The following USP7 variants were observed in gnomAD, a reference collection of about 807,000 sequenced individuals.
The protein encoded by USP7 is ubiquitin C-terminal hydrolase 7.
In USP7, 9 loss-of-function variants were observed where a neutral mutation model predicts 162.9. The observed-to-expected ratio is 0.06, with a 90% CI of 0.03 to 0.10. USP7 has a LOEUF of 0.10. Ranked by LOEUF, USP7 falls within the 10% of genes least tolerant of loss-of-function variation. The probability of loss-of-function intolerance (pLI) is 1.00; values close to 1 mark genes in which losing one functional copy is unlikely to be tolerated. For synonymous variants in USP7, 562 were observed against 475.9 expected, an observed-to-expected ratio of 1.18 and a Z score of -2.35; for missense variants, 715 against 1,373.7, an observed-to-expected ratio of 0.52 and a Z score of 7.58.
At chr16:8,916,690 T>C (rs753792513) in intron 7 of USP7, 134 bp from the exon 8 acceptor site, 4 of 936,936 alleles carry the variant, frequency 4.3e-6, no homozygotes, top group Non-Finnish European at 6.4e-6. Context: ...AAGATTATTT[T>C]TGGGAGTCAT....
chr16:8,940,054 T>C (rs573549095), intron 1 of USP7, among the ~76,000 whole-genome samples: 3 of 152,030 alleles, frequency 2.0e-5, no homozygotes, highest in Admixed American at 6.6e-5. Flanking sequence ...GCTGAGATCA[T>C]GCCACTGAAC....
intron 2 of USP7, among the ~76,000 whole-genome samples, chr16:8,928,875 G>C (rs1197540115): frequency 2.0e-5 from 3 of 152,058 alleles, no homozygotes; most frequent in African/African-American, 7.2e-5. Context: ...TTCTCCCCAG[G>C]AGACACCTGG....
intron 8 of USP7, among the ~76,000 whole-genome samples, chr16:8,916,000 T>TG (rs1555465032): frequency 9.2e-5 from 14 of 152,136 alleles, no homozygotes; most frequent in African/African-American, 3.4e-4. Context: ...CCATTTCATG[T>TG]TGTGTGTGTG....
At chr16:8,922,757 T>G (rs1207190050) in intron 3 of USP7, among the ~76,000 whole-genome samples, 1 of 152,256 alleles carries the variant, frequency 6.6e-6, no homozygotes, top group Non-Finnish European at 1.5e-5. Flanking sequence ...TTTGGACATT[T>G]CATAATATAC....
rs1396291562 is a variant in USP7, at chr16:8,921,298, G to A, written c.384-3C>T. On this transcript the variant is annotated splice_polypyrimidine_tract_variant and splice_region_variant and intron_variant, in intron 3 of 30. Transcript: ENST00000344836. ...CTTGTGCATGGCAAGACCATGACCT[G>A]TTTAAAAGAATAATCTGAGCCTTAG... 6.2e-7 allele frequency: 1 copy of A among 1,611,864 alleles called. No homozygotes were observed. Among genetic ancestry groups the A allele is most frequent in the South Asian group, 1.1e-5 (1 of 90,548 alleles).
rs397944053 is a variant in USP7, at chr16:8,938,710, CA to C, written c.80-8314del. Among the ~76,000 whole-genome samples the C allele has an allele frequency of 1.5e-3, 225 of 145,966 alleles. 1 individual carries two copies. In the East Asian group the frequency reaches 0.024, roughly 16 times the overall value. The stretch of plus-strand genomic sequence containing the variant: ...TGGGTAACACAGCAAGACTCCGTCT[CA>C]AAAAAAAAAAAATTGGGGGGACGGG... On this transcript the variant is annotated intron_variant, in intron 1 of 30. Coordinates refer to ENST00000344836, the MANE Select transcript of USP7 (RefSeq NM_003470.3).
chr16:8,921,058 C>T, intron 4 of USP7, 99 bp downstream of exon 4: 1 of 1,321,248 alleles, frequency 7.6e-7, no homozygotes, highest in Non-Finnish European at 1.0e-6. Context: ...AAGTAAAAAT[C>T]TGACTCTAAA....
intron 1 of USP7, among the ~76,000 whole-genome samples, chr16:8,942,005 A>C (rs1345384284): frequency 1.3e-5 from 2 of 152,226 alleles, no homozygotes; most frequent in Non-Finnish European, 2.9e-5. Context: ...TGGCAAGCAC[A>C]GAGTGGCAAA....
intron 2 of USP7, among the ~76,000 whole-genome samples, chr16:8,924,657 C>T (rs982672387): frequency 2.0e-5 from 3 of 152,242 alleles, no homozygotes; most frequent in African/African-American, 4.8e-5. Context: ...CTCCAAAGTT[C>T]ACTAACAACT....
In USP7 at chr16:8,906,484, C is replaced by G. The variant is rs2061862310; in HGVS notation, c.1370G>C (p.Ser457Thr). ...NYILHAVLVH[S>T]GDNHGGHYVV... The stretch of plus-strand genomic sequence containing the variant: ...ATAATGTCCACCATGATTATCTCCA[C>G]TATGAACCAGGACTGCATGAAGAAT... Residue 457 changes from serine to threonine, a missense_variant, in exon 13 of 31, where the codon AGT becomes ACT. Coordinates refer to ENST00000344836, the MANE Select transcript of USP7 (RefSeq NM_003470.3). 6.2e-7 allele frequency: 1 copy of G among 1,612,746 alleles called. No homozygotes were observed. Among genetic ancestry groups the G allele is most frequent in the Non-Finnish European group, 8.5e-7 (1 of 1,180,012 alleles).
At chr16:8,905,436 C>G in intron 13 of USP7, 105 bp from the exon 14 acceptor site, 1 of 1,408,470 alleles carries the variant, frequency 7.1e-7, no homozygotes, top group African/African-American at 1.4e-5. Context: ...AGGTATGCCC[C>G]TAGTTGAAAA....
At chr16:8,915,210 G>A (rs757960520) in intron 10 of USP7, 44 bp downstream of exon 10, 17 of 1,503,158 alleles carry the variant, frequency 1.1e-5, no homozygotes, top group Non-Finnish European at 1.5e-5. Flanking sequence ...AAACACAGTA[G>A]AAATCATCAA....
chr16:8,894,963 C>A lies in USP7; in HGVS notation c.3039+68G>T, dbSNP rs940787967. Reference sequence around the variant, plus strand: ...CCTAACCCCAGCAGGAGCGCAGATTCGGCAACAGCGGCCACTCAAAGGCTC... The same window carrying A: ...CCTAACCCCAGCAGGAGCGCAGATTAGGCAACAGCGGCCACTCAAAGGCTC... On this transcript the variant is annotated intron_variant, in intron 28 of 30. Transcript: ENST00000344836. The A allele has an allele frequency of 5.0e-6, 8 of 1,613,086 alleles. No homozygotes were observed. The Admixed American group carries it at 1.0e-4, about 20-fold the overall frequency.
intron 2 of USP7, 87 bp from the exon 3 acceptor site, chr16:8,923,500 A>G: frequency 7.1e-7 from 1 of 1,401,714 alleles, no homozygotes; most frequent in Non-Finnish European, 9.8e-7. Context: ...ACTGTTCTAT[A>G]CATCCTGATT....
Position 8,892,374 on chromosome 16 carries a change from T to C in USP7, c.*1624A>G, listed in dbSNP as rs1367200101. On this transcript the variant is annotated 3_prime_UTR_variant, in exon 31 of 31. Coordinates refer to ENST00000344836, the MANE Select transcript of USP7 (RefSeq NM_003470.3). ...GAAGGCACACACACTGCAGTGGAAG[T>C]TGAGAAAGGAAGTCACTCCAAGGTA... 6.6e-6 allele frequency: 1 copy of C among 152,042 alleles called. No individual in the cohort carries two copies. The highest frequency in any genetic ancestry group is 1.5e-5 in the Non-Finnish European group (1 of 68,088). The allele number at this position is 152,042 out of a possible 1,614,324, so 9.4% of individuals were successfully genotyped here.
chr16:8,900,393 G>A (rs2061756040), intron 21 of USP7, 137 bp downstream of exon 21: 1 of 517,916 alleles, frequency 1.9e-6, no homozygotes, highest in Admixed American at 3.8e-5. Context: ...CCCAGAGAAA[G>A]CCTCTCAACA....
chr16:8,940,002 G>T (rs1325529391), intron 1 of USP7, among the ~76,000 whole-genome samples: 1 of 152,142 alleles, frequency 6.6e-6, no homozygotes, highest in Non-Finnish European at 1.5e-5. Context: ...GGAGGCTGAG[G>T]CACAAGAATT....
chr16:8,934,234 A>C (rs1387276374), intron 1 of USP7, among the ~76,000 whole-genome samples: 1 of 152,222 alleles, frequency 6.6e-6, no homozygotes, highest in African/African-American at 2.4e-5. Context: ...TGTAAGTGTA[A>C]GCAGTCTAAA....
intron 1 of USP7, among the ~76,000 whole-genome samples, chr16:8,952,569 A>G (rs1255266103): frequency 6.6e-6 from 1 of 151,994 alleles, no homozygotes; most frequent in Non-Finnish European, 1.5e-5. Flanking sequence ...AGGTCCCCTC[A>G]CTCTGGCACT....
Sources: allele counts gnomAD v4.1 joint callset (sites outside exome capture counted in the v4.1 genomes callset), GRCh38; gene constraint gnomAD v4.1.1; transcripts MANE v1.5; gene names NCBI Gene and HGNC (gene_info 2026-07-23, HGNC 2026-07-21).